JMJD1C: variants seen among roughly 807,000 people sequenced by gnomAD.
The protein encoded by JMJD1C is jumonji domain-containing protein 1C.
Under a neutral mutation model 245.3 loss-of-function variants are expected in JMJD1C, and 31 were observed. The observed-to-expected ratio is 0.13, with a 90% CI of 0.09 to 0.17. The LOEUF is 0.17. Ranked by LOEUF, JMJD1C falls within the 10% of genes least tolerant of loss-of-function variation. JMJD1C has a pLI of 1.00. For missense variants in JMJD1C, 2,691 were observed against 3,000.2 expected, an observed-to-expected ratio of 0.90 and a Z score of 2.41; for synonymous variants, 1,057 against 1,017.4, an observed-to-expected ratio of 1.04 and a Z score of -0.74.
intron 1 of JMJD1C, among the ~76,000 whole-genome samples, chr10:63,428,915 T>A (rs1478563839): frequency 2.0e-5 from 3 of 152,158 alleles, no homozygotes; most frequent in African/African-American, 7.2e-5. Context: ...CAAAGAACCA[T>A]AAAATCTCTG....
intron 2 of JMJD1C, among the ~76,000 whole-genome samples, chr10:63,368,186 T>C (rs959031783): frequency 2.0e-5 from 3 of 152,190 alleles, no homozygotes; most frequent in Non-Finnish European, 4.4e-5. Flanking sequence ...GGACAACTAG[T>C]TTACTATTGG....
At chr10:63,393,351 G>C (rs1393486501) in intron 1 of JMJD1C, among the ~76,000 whole-genome samples, 1 of 152,138 alleles carries the variant, frequency 6.6e-6, no homozygotes, top group African/African-American at 2.4e-5. Flanking sequence ...GATCTTACTC[G>C]AGTGAGAAAG....
intron 2 of JMJD1C, among the ~76,000 whole-genome samples, chr10:63,279,818 A>C (rs956974488): frequency 3.3e-5 from 5 of 152,186 alleles, no homozygotes; most frequent in African/African-American, 1.2e-4. Flanking sequence ...AAACCAATAC[A>C]TATTACATAT....
At chr10:63,230,271 C>G (rs1311410021) in intron 3 of JMJD1C, among the ~76,000 whole-genome samples, 1 of 152,090 alleles carries the variant, frequency 6.6e-6, no homozygotes, top group African/African-American at 2.4e-5. Flanking sequence ...ACTCAGGAGG[C>G]TGAGGCAGGA....
chr10:63,334,086 C>T (rs1942445100), intron 2 of JMJD1C, among the ~76,000 whole-genome samples: 1 of 152,126 alleles, frequency 6.6e-6, no homozygotes. Context: ...AGGCTTGTCA[C>T]AAAATACATT....
chr10:63,265,092 A>C (rs1440414128), intron 2 of JMJD1C, among the ~76,000 whole-genome samples: 1 of 152,058 alleles, frequency 6.6e-6, no homozygotes, highest in Non-Finnish European at 1.5e-5. Flanking sequence ...TTGAAACAGT[A>C]AACTGGGTTG....
chr10:63,239,598 C>A (rs1396920670), intron 3 of JMJD1C, among the ~76,000 whole-genome samples: 1 of 152,142 alleles, frequency 6.6e-6, no homozygotes, highest in East Asian at 1.9e-4. Context: ...GCATGTGCCA[C>A]CACACACGGC....
intron 3 of JMJD1C, among the ~76,000 whole-genome samples, chr10:63,263,541 C>T (rs1450886558): frequency 6.6e-6 from 1 of 152,182 alleles, no homozygotes; most frequent in Non-Finnish European, 1.5e-5. Flanking sequence ...AACTGGTTCA[C>T]TCATCCTTTC....
At chr10:63,230,776 C>CA (rs1010412203) in intron 3 of JMJD1C, among the ~76,000 whole-genome samples, 11 of 150,868 alleles carry the variant, frequency 7.3e-5, no homozygotes, top group Non-Finnish European at 8.8e-5. Context: ...CTGTCCCCCC[C>CA]CCCAAAAAAA....
chr10:63,401,541 G>A (rs977922317), intron 1 of JMJD1C, among the ~76,000 whole-genome samples: 1 of 151,980 alleles, frequency 6.6e-6, no homozygotes, highest in African/African-American at 2.4e-5. Context: ...ATTCCATTTT[G>A]GTCCGAGAAT....
chr10:63,383,846 C>T (rs1947392576), intron 1 of JMJD1C, among the ~76,000 whole-genome samples: 1 of 152,138 alleles, frequency 6.6e-6, no homozygotes, highest in African/African-American at 2.4e-5. Flanking sequence ...TGGCTGCTGA[C>T]TGCTCAGGGT....
At chr10:63,460,608 A>C (rs532084441) in intron 1 of JMJD1C, among the ~76,000 whole-genome samples, 1 of 152,340 alleles carries the variant, frequency 6.6e-6, no homozygotes, top group South Asian at 2.1e-4. Flanking sequence ...TTATTCCATA[A>C]GCATTTATGG....
intron 1 of JMJD1C, among the ~76,000 whole-genome samples, chr10:63,409,437 T>G (rs747781023): frequency 6.6e-6 from 1 of 152,160 alleles, no homozygotes; most frequent in Non-Finnish European, 1.5e-5. Context: ...GGGGCAGGCA[T>G]GTAGGAAGAG....
At chr10:63,336,768 G>T (rs1355531843) in intron 2 of JMJD1C, among the ~76,000 whole-genome samples, 1 of 152,110 alleles carries the variant, frequency 6.6e-6, no homozygotes, top group South Asian at 2.1e-4. Context: ...CCTTATAGAA[G>T]AATGCAAATA....
intron 1 of JMJD1C, among the ~76,000 whole-genome samples, chr10:63,440,050 A>T (rs1360148754): frequency 6.6e-6 from 1 of 152,196 alleles, no homozygotes; most frequent in Non-Finnish European, 1.5e-5. Flanking sequence ...AAAACTAACC[A>T]GGATTACTGA....
At chr10:63,205,149 G>T in intron 10 of JMJD1C, 1 of 424,026 alleles carries the variant, frequency 2.4e-6, no homozygotes, top group African/African-American at 2.2e-5. Flanking sequence ...TTGCCACAAA[G>T]GATATATAAT....
Position 63,191,223 on chromosome 10 carries a change from C to T in JMJD1C, c.6077-115G>A. On this transcript the variant is annotated intron_variant, in intron 16 of 25. Transcript: ENST00000399262. Reference sequence around the variant, plus strand: ...CTCGGCTCACTGCAACCTCTGCCTCCCAGGTTCAAGTGGTTCTCCTGTCTC... The same window carrying T: ...CTCGGCTCACTGCAACCTCTGCCTCTCAGGTTCAAGTGGTTCTCCTGTCTC... The T allele has an allele frequency of 1.1e-5, 8 of 732,674 alleles. No individual in the cohort carries two copies. The South Asian group carries it at 1.2e-4, about 11-fold the overall frequency. 45.4% of individuals were successfully genotyped at this position (732,674 alleles called of 1,614,324 possible).
At chr10:63,392,522 A>T (rs1404807628) in intron 1 of JMJD1C, among the ~76,000 whole-genome samples, 1 of 152,080 alleles carries the variant, frequency 6.6e-6, no homozygotes, top group African/African-American at 2.4e-5. Context: ...TTAAAAAAAA[A>T]TCCCATTAAA....
At chr10:63,323,757 T>C (rs1160466407) in intron 2 of JMJD1C, among the ~76,000 whole-genome samples, 1 of 152,160 alleles carries the variant, frequency 6.6e-6, no homozygotes, top group Admixed American at 6.6e-5. Context: ...GTATTAGAGT[T>C]CTCCACAAAA....
Sources: allele counts gnomAD v4.1 joint callset (sites outside exome capture counted in the v4.1 genomes callset), GRCh38; gene constraint gnomAD v4.1.1; transcripts MANE v1.5; gene names NCBI Gene and HGNC (gene_info 2026-07-23, HGNC 2026-07-21).